Variants in KLRG1 observed in about 807,000 individuals in gnomAD.
The protein encoded by KLRG1 is killer cell lectin-like receptor subfamily G member 1.
Under a neutral mutation model 21.8 loss-of-function variants are expected in KLRG1, and 16 were observed. The ratio of observed to expected loss-of-function variants is 0.73; its 90% CI spans 0.50 to 1.11. The LOEUF is 1.11. Ranked by LOEUF, KLRG1 falls within the 50% of genes most tolerant of loss-of-function variation. The pLI is 0.00. For missense variants in KLRG1, 173 were observed against 218.3 expected (o/e 0.79, Z 1.31); for synonymous variants, 69 against 75.9 (o/e 0.91, Z 0.47).
the KLRG1 span, chr12:9,202,682 GA>G: frequency 6.2e-7 from 1 of 1,612,818 alleles, no homozygotes; most frequent in East Asian, 2.2e-5. Context: ...AGATCCTTGG[GA>G]GCTAAAAAGC....
chr12:9,158,576 C>T, the KLRG1 span: 1 of 1,613,820 alleles, frequency 6.2e-7, no homozygotes, highest in Non-Finnish European at 8.5e-7. Flanking sequence ...AAGCTGTGAG[C>T]CTAGGGGGAG....
intron 1 of KLRG1, chr12:8,971,115 T>C (rs1032059693): frequency 1.3e-5 from 2 of 152,172 alleles, no homozygotes; most frequent in Non-Finnish European, 2.9e-5. Flanking sequence ...CTAAACCAAA[T>C]TGGGAGAGTG....
At chr12:9,004,422 G>C (rs1020906494) in intron 3 of KLRG1, among the ~76,000 whole-genome samples, 1 of 152,168 alleles carries the variant, frequency 6.6e-6, no homozygotes, top group African/African-American at 2.4e-5. Flanking sequence ...ACTTCTTGCA[G>C]CATAATACCT....
the KLRG1 span, chr12:9,101,266 A>C: frequency 6.7e-7 from 1 of 1,494,812 alleles, no homozygotes; most frequent in African/African-American, 1.4e-5. Flanking sequence ...CTTCAGTCTC[A>C]CTTCAATATA....
chr12:9,009,238 A>C (rs971496967), intron 4 of KLRG1, among the ~76,000 whole-genome samples, 163 bp downstream of exon 4: 1 of 49,042 alleles, frequency 2.0e-5, no homozygotes, highest in Non-Finnish European at 3.7e-5. Context: ...GGGTAAGGGC[A>C]AAAAAAAAAA....
the KLRG1 span, among the ~76,000 whole-genome samples, chr12:9,093,978 T>C: frequency 6.6e-6 from 1 of 151,980 alleles, no homozygotes; most frequent in East Asian, 1.9e-4. Context: ...AAGCAGAGGC[T>C]ATAGAGACTT....
At chr12:8,957,960 A>G (rs749650862) in intron 1 of KLRG1, among the ~76,000 whole-genome samples, 3 of 152,218 alleles carry the variant, frequency 2.0e-5, no homozygotes, top group Non-Finnish European at 4.4e-5. Context: ...AGGGTGGGGA[A>G]CTATCGTATT....
At chr12:9,099,987 A>G in the KLRG1 span, among the ~76,000 whole-genome samples, 1 of 152,248 alleles carries the variant, frequency 6.6e-6, no homozygotes, top group South Asian at 2.1e-4. Flanking sequence ...TAGAGGTTGC[A>G]TTAAGTTTCC....
chr12:9,009,386 C>CA, intron 4 of KLRG1, 40 bp from the exon 5 acceptor site: 1 of 1,610,160 alleles, frequency 6.2e-7, no homozygotes, highest in South Asian at 1.1e-5. Flanking sequence ...CTTTTCTGTG[C>CA]ATGCGGCCTT....
the KLRG1 span, chr12:9,099,349 A>G: frequency 6.5e-7 from 1 of 1,540,034 alleles, no homozygotes; most frequent in African/African-American, 1.4e-5. Context: ...CTAGTTTTAC[A>G]TGTTGAAGAT....
the KLRG1 span, chr12:9,098,383 TC>T: frequency 2.3e-5 from 6 of 259,156 alleles, no homozygotes; most frequent in African/African-American, 9.0e-5. Context: ...TTTATTTGAT[TC>T]AATATATTGT....
chr12:8,996,433 CTTTTA>C (rs1213094690), intron 3 of KLRG1: 6 of 152,102 alleles, frequency 3.9e-5, no homozygotes, highest in Admixed American at 3.9e-4. Context: ...TTTCTGTTTT[CTTTTA>C]TTGGGTAGGA....
the KLRG1 span, among the ~76,000 whole-genome samples, chr12:9,095,256 C>T: frequency 6.6e-6 from 1 of 152,168 alleles, no homozygotes; most frequent in Non-Finnish European, 1.5e-5. Context: ...TTATTCTTTT[C>T]ATTAAACTCT....
At chr12:9,149,723 C>T in the KLRG1 span, 1 of 792,286 alleles carries the variant, frequency 1.3e-6, no homozygotes, top group Non-Finnish European at 2.0e-6. Flanking sequence ...GTCAAAACTT[C>T]ATGTAAATAG....
the KLRG1 span, among the ~76,000 whole-genome samples, chr12:9,174,546 T>A: frequency 6.6e-6 from 1 of 151,276 alleles, no homozygotes; most frequent in Admixed American, 6.6e-5. Context: ...TTATTTGATT[T>A]TATATCTAGA....
chr12:9,184,783 G>A, the KLRG1 span, among the ~76,000 whole-genome samples: 2 of 152,186 alleles, frequency 1.3e-5, no homozygotes, highest in African/African-American at 2.4e-5. Flanking sequence ...GTTACAGCAT[G>A]CAATCCAGGA....
the KLRG1 span, among the ~76,000 whole-genome samples, chr12:9,114,135 A>G: frequency 6.6e-6 from 1 of 152,142 alleles, no homozygotes; most frequent in African/African-American, 2.4e-5. Flanking sequence ...CTAACCATGG[A>G]TGTTTGCATT....
At chr12:9,089,393 T>TA in the KLRG1 span, 2 of 667,572 alleles carry the variant, frequency 3.0e-6, no homozygotes, top group Non-Finnish European at 5.3e-6. Flanking sequence ...ATATAAGCAA[T>TA]ATACGTAGGA....
At chr12:9,193,128 A>G in the KLRG1 span, among the ~76,000 whole-genome samples, 1 of 152,360 alleles carries the variant, frequency 6.6e-6, no homozygotes, top group East Asian at 1.9e-4. Context: ...CTATTACCTT[A>G]TGAGCTTCAA....
Sources: gnomAD v4.1 joint callset for allele counts (sites outside exome capture counted in the v4.1 genomes callset) on GRCh38, gnomAD v4.1.1 for gene constraint, MANE v1.5 for transcripts, NCBI Gene and HGNC (gene_info 2026-07-23, HGNC 2026-07-21) for gene names.